SPSB1: variants seen among roughly 807,000 people sequenced by gnomAD.
SPSB1 encodes the protein splA/ryanodine receptor domain and SOCS box containing 1, also known as SPRY domain-containing SOCS box protein 1.
SPSB1 carries 8 observed loss-of-function variants against 21.2 expected under a neutral mutation model. The ratio of observed to expected loss-of-function variants is 0.38; its 90% CI spans 0.22 to 0.68. The LOEUF (loss-of-function observed/expected upper bound fraction) is 0.68. Among genes scored for constraint, SPSB1 ranks in the 30% least tolerant of loss-of-function variants. The pLI is 0.53. For missense variants in SPSB1, 242 were observed against 377.8 expected, an observed-to-expected ratio of 0.64 and a Z score of 2.98; for synonymous variants, 169 against 161.7, an observed-to-expected ratio of 1.05 and a Z score of -0.34.
chr1:9,350,072 CACACAGATACAT>C lies in SPSB1; in HGVS notation c.-149-5666_-149-5655del, dbSNP rs763615522. On this transcript the variant is annotated intron_variant, in intron 1 of 2. Coordinates refer to ENST00000328089, the MANE Select transcript of SPSB1 (RefSeq NM_025106.4). ...TATACACACATCCAGACACACCACACACACAGATACATACACGCCTCACATATCTACACACAC... is the reference window on the plus strand; with the variant it reads ...TATACACACATCCAGACACACCACACACACGCCTCACATATCTACACACAC... Among the ~76,000 whole-genome samples the C allele has an allele frequency of 8.5e-4, 130 of 152,058 alleles. 1 individual carries two copies. Among genetic ancestry groups the C allele is most frequent in the Middle Eastern group, 3.4e-3 (1 of 294 alleles).
chr1:9,321,069 C>A lies in SPSB1; in HGVS notation c.-150+27998C>A, dbSNP rs1481340234. 6.6e-6 allele frequency among the ~76,000 whole-genome samples: 1 copy of A among 152,186 alleles called. No homozygotes were observed. The highest frequency in any genetic ancestry group is 2.4e-5 in the African/African-American group (1 of 41,436). On this transcript the variant is annotated intron_variant, in intron 1 of 2. Coordinates refer to ENST00000328089, the MANE Select transcript of SPSB1 (RefSeq NM_025106.4). The surrounding 1 kb of genome is among the most constrained non-coding windows in gnomAD (Gnocchi z 4.8). ...AAAGGCAGCCGTGTAATTACAGGTACTGGAAATAGTCCTGTTTCCCTTTCA... is the reference window on the plus strand; with the variant it reads ...AAAGGCAGCCGTGTAATTACAGGTAATGGAAATAGTCCTGTTTCCCTTTCA...
Position 9,299,711 on chromosome 1 carries a change from C to T in SPSB1, c.-150+6640C>T, listed in dbSNP as rs372190869. 1.3e-3 allele frequency among the ~76,000 whole-genome samples: 201 copies of T among 152,166 alleles called. 2 individuals carry two copies. In the South Asian group the frequency reaches 0.016, roughly 12 times the overall value. On this transcript the variant is annotated intron_variant, in intron 1 of 2. Transcript: ENST00000328089. ...TCAGGCTGGTCTTGAACTCCTGACA[C>T]CAAGTGATTCACCCGCCTTGGCCTC...
At chr1:9,295,193 TGTGTGTGTGTGTGTGAGAGTGTGA>T (rs1181805302) in intron 1 of SPSB1, among the ~76,000 whole-genome samples, 1 of 137,944 alleles carries the variant, frequency 7.2e-6, no homozygotes, top group Non-Finnish European at 1.6e-5. Flanking sequence ...GTAGATGGAG[TGTGTGTGTGTGTGTGAGAGTGTGA>T]GTGTGTGTGT....
At chr1:9,360,871 C>G (rs1317515811) in intron 2 of SPSB1, among the ~76,000 whole-genome samples, 1 of 152,212 alleles carries the variant, frequency 6.6e-6, no homozygotes, top group Non-Finnish European at 1.5e-5. Flanking sequence ...GTGGAGGCAG[C>G]CAGTGTAGAC....
intron 1 of SPSB1, among the ~76,000 whole-genome samples, chr1:9,332,546 T>C (rs1569613482): frequency 6.6e-6 from 1 of 152,146 alleles, no homozygotes; most frequent in South Asian, 2.1e-4. Context: ...ACACGTCAGG[T>C]TCACAGGCAG....
intron 1 of SPSB1, among the ~76,000 whole-genome samples, chr1:9,353,782 G>A (rs1322896911): frequency 6.6e-6 from 1 of 152,156 alleles, no homozygotes; most frequent in Non-Finnish European, 1.5e-5. Flanking sequence ...GCTGGGCGTG[G>A]TGGTGGGCGC....
chr1:9,293,071 G>A lies in SPSB1; in HGVS notation c.-150G>A. On this transcript the variant is annotated splice_region_variant and 5_prime_UTR_variant, in exon 1 of 3. Transcript: ENST00000328089. This position sits in a 1 kb window ranked among gnomAD's most constrained non-coding sequence, Gnocchi z 5.1. ...GCGGCGGCGGCGGCACCCCGGGCGC[G>A]GTAGGCGGCGCGGGGCACCTGGGAC... 3 of 979,982 alleles carry A rather than the reference G, an allele frequency of 3.1e-6. No homozygotes were observed. In the South Asian group the frequency reaches 1.4e-4, roughly 44 times the overall value. The allele number at this position is 979,982 out of a possible 1,614,324, so 60.7% of individuals were successfully genotyped here.
In SPSB1 at chr1:9,356,255, G is replaced by A. The variant is rs1640361144; in HGVS notation, c.364G>A (p.Ala122Thr). 2 of 1,609,070 alleles carry A rather than the reference G, an allele frequency of 1.2e-6. No individual in the cohort carries two copies. The highest frequency in any genetic ancestry group is 1.7e-5 in the Admixed American group (1 of 59,860). ...HAVVGVATADAPLHSVGYTTL... is the reference protein window; with the variant it reads ...HAVVGVATADTPLHSVGYTTL... ...CGTGGTGGGGGTGGCGACGGCAGAC[G>A]CCCCCCTGCACTCTGTCGGGTACAC... The change falls in exon 2 of 3, where the codon GCC (alanine) becomes ACC (threonine). Residue 122 changes from alanine (A) to threonine (T), a missense_variant. By Grantham distance (58) the Ala-to-Thr change is moderately conservative (BLOSUM62 0). Coordinates refer to ENST00000328089, the MANE Select transcript of SPSB1 (RefSeq NM_025106.4). The surrounding 1 kb of genome is among the most constrained non-coding windows in gnomAD (Gnocchi z 7.4).
At chr1:9,310,120 GGGGCC>G (rs1349542779) in intron 1 of SPSB1, among the ~76,000 whole-genome samples, 36 of 130,216 alleles carry the variant, frequency 2.8e-4, no homozygotes, top group African/African-American at 1.4e-3. Context: ...ACAGAGTCTA[GGGGCC>G]ATCTGTGATG....
intron 1 of SPSB1, among the ~76,000 whole-genome samples, chr1:9,354,932 G>A (rs1282421348): frequency 6.6e-6 from 1 of 152,166 alleles, no homozygotes; most frequent in Non-Finnish European, 1.5e-5. Flanking sequence ...GGCCAGAGAG[G>A]GAACGAGGCA....
Position 9,356,732 on chromosome 1 carries a change from C to A in SPSB1, c.694+147C>A. 7.5e-7 allele frequency: 1 copy of A among 1,335,530 alleles called. No homozygotes were observed. Among genetic ancestry groups the A allele is most frequent in the Non-Finnish European group, 9.8e-7 (1 of 1,017,266 alleles). The allele number at this position is 1,335,530 out of a possible 1,614,324, so 82.7% of individuals were successfully genotyped here. A position where few individuals can be genotyped will look rare whatever the true frequency, so the allele number is the denominator to read the frequency against. ...TTCAGACCCTCAGAGGCAACTTTTG[C>A]ATCGGGTTAAGTGAGGAATTCTACC... is the stretch of plus-strand genomic sequence containing the variant. On this transcript the variant is annotated intron_variant, in intron 2 of 2. Coordinates refer to ENST00000328089, the MANE Select transcript of SPSB1 (RefSeq NM_025106.4). This position sits in a 1 kb window ranked among gnomAD's most constrained non-coding sequence, Gnocchi z 7.4.
rs1640369499 is a variant in SPSB1 at position 9,356,727 on chromosome 1, T to G, written c.694+142T>G. 1 of 1,356,732 alleles carries G rather than the reference T, an allele frequency of 7.4e-7. No homozygotes were observed. The highest frequency in any genetic ancestry group is 9.6e-7 in the Non-Finnish European group (1 of 1,036,432). The allele number at this position is 1,356,732 out of a possible 1,614,324, so 84.0% of individuals were successfully genotyped here. ...GTGTATTCAGACCCTCAGAGGCAAC[T>G]TTTGCATCGGGTTAAGTGAGGAATT... On this transcript the variant is annotated intron_variant, in intron 2 of 2. Transcript: ENST00000328089. The surrounding 1 kb of genome is among the most constrained non-coding windows in gnomAD (Gnocchi z 7.4).
At chr1:9,353,603 T>C (rs2100512953) in intron 1 of SPSB1, among the ~76,000 whole-genome samples, 1 of 152,268 alleles carries the variant, frequency 6.6e-6, no homozygotes, top group South Asian at 2.1e-4. Flanking sequence ...TCTGAAGAGA[T>C]GACCGTGCCC....
intron 1 of SPSB1, among the ~76,000 whole-genome samples, chr1:9,302,933 T>G (rs1639358724): frequency 6.6e-6 from 1 of 152,174 alleles, no homozygotes; most frequent in Non-Finnish European, 1.5e-5. Context: ...TTCCTGTGAC[T>G]TTATGCTCTG....
At chr1:9,366,013 C>T (rs1231533339) in intron 2 of SPSB1, among the ~76,000 whole-genome samples, 1 of 152,246 alleles carries the variant, frequency 6.6e-6, no homozygotes, top group Admixed American at 6.5e-5. Context: ...CCTTGGAAGG[C>T]ATGAGTTTCA....
chr1:9,326,714 G>T (rs1639821578), intron 1 of SPSB1, among the ~76,000 whole-genome samples: 1 of 152,212 alleles, frequency 6.6e-6, no homozygotes, highest in African/African-American at 2.4e-5. Flanking sequence ...ACAGCAGCCT[G>T]ATCATCAGCC....
intron 1 of SPSB1, among the ~76,000 whole-genome samples, chr1:9,302,291 A>G (rs989005530): frequency 1.5e-4 from 23 of 152,230 alleles, no homozygotes; most frequent in Non-Finnish European, 5.9e-5. Context: ...ATGGTAAAGC[A>G]TTGATTATTC....
intron 1 of SPSB1, among the ~76,000 whole-genome samples, chr1:9,316,580 T>G (rs1639618771): frequency 6.6e-6 from 1 of 152,070 alleles, no homozygotes; most frequent in Non-Finnish European, 1.5e-5. Flanking sequence ...CGAAGCGGGT[T>G]CAGGGGCTGC....
chr1:9,349,437 C>T (rs1640215489), intron 1 of SPSB1, among the ~76,000 whole-genome samples: 1 of 152,252 alleles, frequency 6.6e-6, no homozygotes, highest in South Asian at 2.1e-4. Context: ...GGTCAGGGGG[C>T]TGTCCCAGCT....
Sources: gnomAD v4.1 joint callset for allele counts (sites outside exome capture counted in the v4.1 genomes callset) on GRCh38, gnomAD v4.1.1 for gene constraint, Gnocchi (gnomAD v3.1) non-coding constraint, MANE v1.5 for transcripts, NCBI Gene and HGNC (gene_info 2026-07-23, HGNC 2026-07-21) for gene names.